TENM2: variants seen among roughly 807,000 people sequenced by gnomAD.
TENM2 encodes teneurin transmembrane protein 2, also known as teneurin-2.
TENM2 carries 52 observed loss-of-function variants against 245.2 expected under a neutral mutation model. The ratio of observed to expected loss-of-function variants is 0.21; its 90% confidence interval spans 0.17 to 0.27. TENM2 has a LOEUF of 0.27. TENM2 is among the 10% of genes least tolerant of loss of function. The pLI is 1.00. For missense variants in TENM2, 3,046 were observed against 3,666.8 expected (o/e 0.83, Z 4.37); for synonymous variants, 1,363 against 1,438.9 (o/e 0.95, Z 1.19).
intron 4 of TENM2, among the ~76,000 whole-genome samples, chr5:167,979,816 A>T (rs79371907): frequency 0.03 from 4,498 of 152,258 alleles, 218 homozygotes; most frequent in African/African-American, 0.1. Context: ...AACAGATTTT[A>T]AAAAATAACC....
chr5:167,542,688 C>G (rs888151940), intron 2 of TENM2, among the ~76,000 whole-genome samples: 1 of 152,102 alleles, frequency 6.6e-6, no homozygotes, highest in Non-Finnish European at 1.5e-5. Context: ...TTGTTTTTCC[C>G]CCAAACAAGA....
intron 4 of TENM2, among the ~76,000 whole-genome samples, chr5:167,980,857 G>A (rs1050379754): frequency 1.3e-5 from 2 of 152,154 alleles, no homozygotes; most frequent in African/African-American, 4.8e-5. Flanking sequence ...GATTGGGTGT[G>A]AGAGAAGGAC....
intron 2 of TENM2, among the ~76,000 whole-genome samples, chr5:167,865,239 A>G (rs545627382): frequency 2.3e-4 from 35 of 152,164 alleles, no homozygotes; most frequent in Non-Finnish European, 2.8e-4. Context: ...AGAAGCTTTC[A>G]TAATTAGAGT....
the TENM2 span, among the ~76,000 whole-genome samples, chr5:167,274,682 A>T: frequency 7.3e-5 from 11 of 150,176 alleles, no homozygotes; most frequent in East Asian, 1.9e-4. Context: ...TTTGTCATTT[A>T]AAAAAAAAGT....
intron 2 of TENM2, among the ~76,000 whole-genome samples, chr5:167,847,254 C>T (rs1770131055): frequency 6.6e-6 from 1 of 152,218 alleles, no homozygotes; most frequent in African/African-American, 2.4e-5. Flanking sequence ...TGCCCAGCCT[C>T]ACCCTATCTT....
chr5:167,953,083 A>G (rs1384817767), intron 4 of TENM2, among the ~76,000 whole-genome samples: 1 of 152,226 alleles, frequency 6.6e-6, no homozygotes, highest in African/African-American at 2.4e-5. Flanking sequence ...TAATAGAATT[A>G]GCATAACATA....
the TENM2 span, among the ~76,000 whole-genome samples, chr5:167,122,910 T>C: frequency 2.0e-4 from 31 of 152,278 alleles, no homozygotes; most frequent in East Asian, 4.2e-3. Flanking sequence ...CAAATTGATA[T>C]TGATGTGGAG....
At chr5:168,021,193 T>A (rs1445354271) in intron 5 of TENM2, among the ~76,000 whole-genome samples, 1 of 152,220 alleles carries the variant, frequency 6.6e-6, no homozygotes, top group African/African-American at 2.4e-5. Flanking sequence ...TGATTTTCTA[T>A]GTCTGGAAGG....
At chr5:167,960,012 A>G (rs1780876612) in intron 4 of TENM2, among the ~76,000 whole-genome samples, 1 of 152,204 alleles carries the variant, frequency 6.6e-6, no homozygotes, top group Non-Finnish European at 1.5e-5. Context: ...TTGCCTGGGT[A>G]TCACCAGCGG....
At chr5:168,042,645 T>A (rs1309375099) in intron 5 of TENM2, among the ~76,000 whole-genome samples, 1 of 152,122 alleles carries the variant, frequency 6.6e-6, no homozygotes, top group African/African-American at 2.4e-5. Context: ...TGTCACTCCC[T>A]TGCAGTATTG....
At chr5:167,765,685 C>T (rs749839904) in intron 2 of TENM2, among the ~76,000 whole-genome samples, 5 of 152,110 alleles carry the variant, frequency 3.3e-5, no homozygotes, top group Admixed American at 1.3e-4. Context: ...TGGTAATATT[C>T]GTGTTAATGT....
chr5:167,335,280 C>T (rs1391791346), intron 1 of TENM2, among the ~76,000 whole-genome samples: 1 of 152,152 alleles, frequency 6.6e-6, no homozygotes, highest in Non-Finnish European at 1.5e-5. Flanking sequence ...TGAGAACTCA[C>T]TCACTGTTGT....
chr5:167,496,694 G>C (rs903753210), intron 2 of TENM2, among the ~76,000 whole-genome samples: 1 of 152,110 alleles, frequency 6.6e-6, no homozygotes, highest in African/African-American at 2.4e-5. Context: ...TGTCATGGTT[G>C]ATGATGTTAG....
At chr5:167,120,416 G>A in the TENM2 span, among the ~76,000 whole-genome samples, 3 of 152,292 alleles carry the variant, frequency 2.0e-5, no homozygotes, top group South Asian at 6.2e-4. Flanking sequence ...AATTAATATG[G>A]AAATTCTTAA....
chr5:168,013,733 T>C (rs1785443203), intron 5 of TENM2, among the ~76,000 whole-genome samples: 1 of 152,172 alleles, frequency 6.6e-6, no homozygotes, highest in Non-Finnish European at 1.5e-5. Flanking sequence ...GGAGAGTGTA[T>C]TAGTTTGCAA....
intron 2 of TENM2, among the ~76,000 whole-genome samples, chr5:167,488,904 C>A (rs1768254321): frequency 6.6e-6 from 1 of 152,186 alleles, no homozygotes; most frequent in Non-Finnish European, 1.5e-5. Flanking sequence ...CTTCATCCTT[C>A]ATTTTGTCAG....
intron 7 of TENM2, among the ~76,000 whole-genome samples, chr5:168,076,882 C>T (rs1265650835): frequency 2.0e-5 from 3 of 152,152 alleles, no homozygotes; most frequent in African/African-American, 7.2e-5. Flanking sequence ...TGAATACACA[C>T]ACACGTGCAA....
the TENM2 span, among the ~76,000 whole-genome samples, chr5:167,276,803 A>G: frequency 6.6e-6 from 1 of 151,900 alleles, no homozygotes; most frequent in Non-Finnish European, 1.5e-5. Context: ...ATGATTTTTT[A>G]TTGTTGTATG....
At chr5:167,769,772 T>C (rs1763279524) in intron 2 of TENM2, among the ~76,000 whole-genome samples, 1 of 152,202 alleles carries the variant, frequency 6.6e-6, no homozygotes, top group South Asian at 2.1e-4. Flanking sequence ...CAAACTTGAA[T>C]AGTAATACCC....
Sources: gnomAD v4.1 joint callset for allele counts (sites outside exome capture counted in the v4.1 genomes callset) on GRCh38, gnomAD v4.1.1 for gene constraint, MANE v1.5 for transcripts, NCBI Gene and HGNC (gene_info 2026-07-23, HGNC 2026-07-21) for gene names.